SREBF1: variants seen among roughly 807,000 people sequenced by gnomAD.
The protein encoded by SREBF1 is sterol regulatory element binding transcription factor 1, also known as sterol regulatory element-binding protein 1.
Under a neutral mutation model 100.1 loss-of-function variants are expected in SREBF1, and 45 were observed. The observed-to-expected ratio is 0.45, with a 90% CI of 0.35 to 0.58. The LOEUF (loss-of-function observed/expected upper bound fraction) is 0.58, where lower values mean the gene tolerates loss of function less well. Ranked by LOEUF, SREBF1 falls within the 20% of genes least tolerant of loss-of-function variation. SREBF1 has a pLI of 0.00. For synonymous variants in SREBF1, 657 were observed against 681.8 expected (o/e 0.96, Z 0.57); for missense variants, 1,324 against 1,539.4 (o/e 0.86, Z 2.34).
At chr17:17,834,885 G>C (rs1391674707) in intron 1 of SREBF1, among the ~76,000 whole-genome samples, 2 of 152,160 alleles carry the variant, frequency 1.3e-5, no homozygotes, top group Non-Finnish European at 2.9e-5. Flanking sequence ...GTGGTGGCTG[G>C]CGCCTGTAGT....
In SREBF1 at chr17:17,814,275, A is replaced by T; in HGVS notation, c.2871T>A (p.Ala957=). ...KASGYLQDSL[A]TTPASSSIDK... Reference sequence around the variant, plus strand: ...CAATGGAGCTGCTGGCTGGTGTGGTAGCCAGGCTGTCCTGCAGGTACCCAC... The same window carrying T: ...CAATGGAGCTGCTGGCTGGTGTGGTTGCCAGGCTGTCCTGCAGGTACCCAC... Residue 957 remains alanine (A), a synonymous_variant, in exon 16 of 19, where the codon GCT becomes GCA. Transcript: ENST00000261646. 6.2e-7 allele frequency: 1 copy of T among 1,605,404 alleles called. No individual in the cohort carries two copies. Among genetic ancestry groups the T allele is most frequent in the African/African-American group, 1.3e-5 (1 of 74,982 alleles).
At chr17:17,820,006 C>T in intron 2 of SREBF1, 84 bp downstream of exon 2, 1 of 1,427,106 alleles carries the variant, frequency 7.0e-7, no homozygotes, top group East Asian at 2.4e-5. Context: ...GCACAGACCT[C>T]TACTCACATC....
intron 1 of SREBF1, among the ~76,000 whole-genome samples, chr17:17,826,243 C>T (rs1378805187): frequency 4.0e-5 from 6 of 151,124 alleles, no homozygotes; most frequent in African/African-American, 9.7e-5. Context: ...CTGATACTTG[C>T]AGTATTCACG....
rs530223009 is a variant in SREBF1 at position 17,824,102 on chromosome 17, C to G, written c.92-3581G>C. Among the ~76,000 whole-genome samples, 3 of 152,266 alleles carry G rather than the reference C, an allele frequency of 2.0e-5. No homozygotes were observed. In the East Asian group the frequency reaches 5.8e-4, roughly 29 times the overall value. On this transcript the variant is annotated intron_variant, in intron 1 of 18. Coordinates refer to ENST00000261646, the MANE Select transcript of SREBF1 (RefSeq NM_004176.5). The surrounding 1 kb of genome is among the most constrained non-coding windows in gnomAD (Gnocchi z 4.2). ...TTACTCCTCCAGAAAACAGGACAGT[C>G]ATTATCTCCCTGGCGTCGAATGGTA... is the stretch of plus-strand genomic sequence containing the variant.
At position 17,814,939 on chromosome 17, in the gene SREBF1, A is replaced by T; in HGVS notation, c.2498T>A (p.Phe833Tyr). 1.3e-6 allele frequency: 2 copies of T among 1,564,670 alleles called. No homozygotes were observed. Among genetic ancestry groups the T allele is most frequent in the Non-Finnish European group, 1.7e-6 (2 of 1,154,712 alleles). The change falls in exon 14 of 19, where the codon TTC becomes TAC. Residue 833 changes from phenylalanine to tyrosine, a missense_variant. Coordinates refer to ENST00000261646, the MANE Select transcript of SREBF1 (RefSeq NM_004176.5). ...CTGCAGGTACCCGAGGGCATCCGAG[A>T]ATTCCCTGTGGAAGGAGAGAGCTGG... ...SPGSADGDKEFSDALGYLQLL... is the reference protein window; with the variant it reads ...SPGSADGDKEYSDALGYLQLL...
rs1347437945 is a variant in SREBF1, at chr17:17,836,775, G to A, written c.43C>T (p.Leu15=). The change falls in exon 1 of 19, where the codon CTG becomes TTG. Residue 15 remains leucine, a synonymous_variant. Coordinates refer to ENST00000261646, the MANE Select transcript of SREBF1 (RefSeq NM_004176.5). ...PFSEAALEQA[L]GEPCDLDAAL... Reference sequence around the variant, plus strand: ...GCGTCCAGATCGCACGGCTCGCCCAGCGCCTGCTCCAAAGCCGCCTCGCTG... The same window carrying A: ...GCGTCCAGATCGCACGGCTCGCCCAACGCCTGCTCCAAAGCCGCCTCGCTG... 1 of 1,567,546 alleles carries A rather than the reference G, an allele frequency of 6.4e-7. No homozygotes were observed. The highest frequency in any genetic ancestry group is 2.3e-5 in the East Asian group (1 of 43,178).
At chr17:17,825,603 CTTTTTTTTTT>C (rs60178339) in intron 1 of SREBF1, among the ~76,000 whole-genome samples, 1 of 92,554 alleles carries the variant, frequency 1.1e-5, no homozygotes, top group Admixed American at 1.2e-4. Flanking sequence ...TGGCCAATTT[CTTTTTTTTTT>C]TTTTTTTTTT....
chr17:17,821,097 C>T (rs2034067742), intron 1 of SREBF1, among the ~76,000 whole-genome samples: 2 of 152,022 alleles, frequency 1.3e-5, no homozygotes, highest in African/African-American at 4.8e-5. Flanking sequence ...AACTTTTACT[C>T]CTGTCTTCAT....
chr17:17,834,247 C>A (rs1293401530), intron 1 of SREBF1, among the ~76,000 whole-genome samples: 1 of 152,136 alleles, frequency 6.6e-6, no homozygotes, highest in Non-Finnish European at 1.5e-5. Context: ...ACATGTCACC[C>A]ACACCCAGCT....
intron 5 of SREBF1, 172 bp from the exon 6 acceptor site, chr17:17,818,546 C>A: frequency 1.6e-6 from 1 of 644,336 alleles, no homozygotes; most frequent in Non-Finnish European, 2.8e-6. Flanking sequence ...GCACCCACCT[C>A]CCAGGCCGGG....
At position 17,816,290 on chromosome 17, in the gene SREBF1, A is replaced by G. The variant is rs1304120344; in HGVS notation, c.2131T>C (p.Ser711Pro). 3 of 1,514,818 alleles carry G rather than the reference A, an allele frequency of 2.0e-6. No individual in the cohort carries two copies. The highest frequency in any genetic ancestry group is 2.6e-6 in the Non-Finnish European group (3 of 1,137,528). 93.8% of individuals were successfully genotyped at this position (1,514,818 alleles called of 1,614,324 possible). The change falls in exon 11 of 19, where the codon TCT becomes CCT. Residue 711 changes from serine (S) to proline (P), a missense_variant. By Grantham distance (74) the Ser-to-Pro change is moderately conservative. Transcript: ENST00000261646. ...TAGATCTCGGCCAGCGTCGCCACAG[A>G]CACGGCATCCCCTGCACACTCTGCC... ...NLAECAGDAV[S>P]VATLAEIYVA...
Position 17,812,648 on chromosome 17 carries a change from C to A in SREBF1, c.3418G>T (p.Gly1140Cys). 1.2e-6 allele frequency: 2 copies of A among 1,607,556 alleles called. No homozygotes were observed. Among genetic ancestry groups the A allele is most frequent in the East Asian group, 2.2e-5 (1 of 44,670 alleles). ...TAGCTGGAAGTGACAGTGGTCCCAC[C>A]GCCCAGGCGCATGAGCATCTGCTGA... is the stretch of plus-strand genomic sequence containing the variant. Reference protein sequence around the residue: ...DCQQMLMRLGGGTTVTSS With the variant: ...DCQQMLMRLGCGTTVTSS The change falls in exon 19 of 19, where the codon GGT (glycine) becomes TGT (cysteine). Residue 1140 changes from glycine (G) to cysteine (C), a missense_variant. Gly to Cys is a radical substitution (Grantham distance 159). Transcript: ENST00000261646.
In SREBF1 at chr17:17,812,424, C is replaced by A; in HGVS notation, c.*198G>T. ...CCGATCGGCCACCAGAGGTCAGCAC[C>A]ATCATGGCCGCCGGTCTTAGGGTCA... is the stretch of plus-strand genomic sequence containing the variant. On this transcript the variant is annotated 3_prime_UTR_variant, in exon 19 of 19. Transcript: ENST00000261646. 1 of 657,784 alleles carries A rather than the reference C, an allele frequency of 1.5e-6. No homozygotes were observed. The highest frequency in any genetic ancestry group is 2.6e-6 in the Non-Finnish European group (1 of 388,900). 40.7% of individuals were successfully genotyped at this position (657,784 alleles called of 1,614,324 possible).
chr17:17,836,611 G>A (rs2035255445), intron 1 of SREBF1, 116 bp downstream of exon 1: 14 of 1,053,532 alleles, frequency 1.3e-5, no homozygotes, highest in Non-Finnish European at 1.7e-5. Context: ...GGGAAGTCCC[G>A]CGCGAGCACA....
chr17:17,836,324 C>T (rs1031783433), intron 1 of SREBF1, among the ~76,000 whole-genome samples: 1 of 152,252 alleles, frequency 6.6e-6, no homozygotes, highest in African/African-American at 2.4e-5. Flanking sequence ...AGGGAATGAC[C>T]GTGAGTAACC....
At position 17,817,057 on chromosome 17, in the gene SREBF1, C is replaced by T. The variant is rs2143013429; in HGVS notation, c.1686G>A (p.Val562=). ...LNGLLVLVSL[V]LLFVYGEPVT... ...CTGGCTCACCGTAGACAAAGAGAAGCACCAAGGAGACGAGCACCAACAGCC... is the reference window on the plus strand; with the variant it reads ...CTGGCTCACCGTAGACAAAGAGAAGTACCAAGGAGACGAGCACCAACAGCC... Residue 562 remains valine (V), a synonymous_variant, in exon 9 of 19, where the codon GTG becomes GTA. Transcript: ENST00000261646. The surrounding 1 kb of genome is among the most constrained non-coding windows in gnomAD (Gnocchi z 6.6). 1.2e-6 allele frequency: 2 copies of T among 1,613,164 alleles called. No homozygotes were observed. The highest frequency in any genetic ancestry group is 8.5e-7 in the Non-Finnish European group (1 of 1,180,028).
intron 1 of SREBF1, among the ~76,000 whole-genome samples, chr17:17,830,806 C>T (rs951614590): frequency 2.0e-5 from 3 of 152,240 alleles, no homozygotes; most frequent in Non-Finnish European, 4.4e-5. Flanking sequence ...CTTTCCCCAC[C>T]TCACCCCCGA....
At position 17,814,638 on chromosome 17, in the gene SREBF1, C is replaced by T; in HGVS notation, c.2712G>A (p.Leu904=). The T allele has an allele frequency of 6.5e-7, 1 of 1,548,712 alleles. No individual in the cohort carries two copies. ...ACTCAGACTCCTGCAGCACCCGGGG[C>T]AGGTGCTCCACCAGCGGGCACAGCC... The part of the protein sequence containing the change: ...AERLCPLVEH[L]PRVLQESERP... Residue 904 remains leucine (L), a synonymous_variant, in exon 15 of 19, where the codon CTG becomes CTA. Coordinates refer to ENST00000261646, the MANE Select transcript of SREBF1 (RefSeq NM_004176.5).
chr17:17,814,835 C>T lies in SREBF1; in HGVS notation c.2602G>A (p.Gly868Ser), dbSNP rs747606634. The change falls in exon 14 of 19, where the codon GGC (glycine) becomes AGC (serine). Residue 868 changes from glycine to serine, a missense_variant and splice_region_variant. Gly to Ser is a moderately conservative substitution (Grantham distance 56). Transcript: ENST00000261646. ...SISSSMATTT[G>S]VDPVAKWWAS... ...GCCAGGACAGGGGCCGGGGACTCACCGGTGGTGGTGGCCATGCTGGAACTG... is the reference window on the plus strand; with the variant it reads ...GCCAGGACAGGGGCCGGGGACTCACTGGTGGTGGTGGCCATGCTGGAACTG... 8.1e-6 allele frequency: 13 copies of T among 1,597,340 alleles called. No homozygotes were observed. Among genetic ancestry groups the T allele is most frequent in the East Asian group, 2.3e-5 (1 of 44,244 alleles).
Sources: allele counts gnomAD v4.1 joint callset (sites outside exome capture counted in the v4.1 genomes callset), GRCh38; gene constraint gnomAD v4.1.1; non-coding constraint Gnocchi (gnomAD v3.1); transcripts MANE v1.5; gene names NCBI Gene and HGNC (gene_info 2026-07-23, HGNC 2026-07-21).